MYOZ3: variants seen among roughly 807,000 people sequenced by gnomAD.
MYOZ3 encodes the protein myozenin 3.
A neutral mutation model predicts 26.5 loss-of-function variants in MYOZ3; 19 were observed. The ratio of observed to expected loss-of-function variants is 0.72; its 90% confidence interval spans 0.50 to 1.05. MYOZ3 has a LOEUF of 1.05. Ranked by LOEUF, MYOZ3 falls within the 50% of genes least tolerant of loss-of-function variation. The pLI, the probability that MYOZ3 is intolerant of heterozygous loss-of-function variation, is 0.00. For synonymous variants in MYOZ3, 135 were observed against 138.8 expected, an observed-to-expected ratio of 0.97 and a Z score of 0.19; for missense variants, 322 against 337.1, an observed-to-expected ratio of 0.96 and a Z score of 0.35.
chr5:150,669,390 C>T (rs10077907), intron 2 of MYOZ3, among the ~76,000 whole-genome samples: 21,341 of 150,270 alleles, frequency 0.14, 2,850 homozygotes, highest in African/African-American at 0.36. Flanking sequence ...GAGGTTGCAG[C>T]GAGCCGAGAT....
intron 1 of MYOZ3, among the ~76,000 whole-genome samples, 178 bp downstream of exon 1, chr5:150,661,605 C>T (rs1179187492): frequency 1.3e-5 from 2 of 152,110 alleles, no homozygotes; most frequent in Non-Finnish European, 2.9e-5. Flanking sequence ...TCTAGGTTAC[C>T]CTGCATTAAA....
In MYOZ3 at chr5:150,678,728, T is replaced by C. The variant is rs1178506036; in HGVS notation, c.*1853T>C. 1.3e-5 allele frequency: 2 copies of C among 152,384 alleles called. No individual in the cohort carries two copies. Among genetic ancestry groups the C allele is most frequent in the African/African-American group, 4.8e-5 (2 of 41,582 alleles). 9.4% of individuals were successfully genotyped at this position (152,384 alleles called of 1,614,324 possible). A position where few individuals can be genotyped will look rare whatever the true frequency, so the allele number is the denominator to read the frequency against. ...GTATAAAACCTCCTTTATGGGTTTG[T>C]TGTGAACACAGTGCAGGGCACATTT... On this transcript the variant is annotated 3_prime_UTR_variant, in exon 7 of 7. Coordinates refer to ENST00000517768, the MANE Select transcript of MYOZ3 (RefSeq NM_001122853.3).
chr5:150,670,558 AAC>A lies in MYOZ3; in HGVS notation c.138_139del (p.Asn46LysfsTer52), dbSNP rs1561670446. ...GATGGAGGAGCTGTCACTACGCAAC[AAC>A]AGAGGGTCCCTCCTCTTCCAGAAGA... is the stretch of plus-strand genomic sequence containing the variant. ...LMMEELSLRN[N>X]RGSLLFQKRQ... On this transcript the variant is annotated frameshift_variant, in exon 3 of 7. Transcript: ENST00000517768. LOFTEE classifies it high-confidence loss of function. 1 of 1,613,404 alleles carries A rather than the reference AAC, an allele frequency of 6.2e-7. No homozygotes were observed. Among genetic ancestry groups the A allele is most frequent in the Non-Finnish European group, 8.5e-7 (1 of 1,179,728 alleles).
rs1374017445 is a variant in MYOZ3, at chr5:150,679,027, TG to T, written c.*2155del. 6.6e-6 allele frequency: 1 copy of T among 152,542 alleles called. No individual in the cohort carries two copies. The highest frequency in any genetic ancestry group is 1.9e-4 in the East Asian group (1 of 5,328). The allele number at this position is 152,542 out of a possible 1,614,324, so 9.4% of individuals were successfully genotyped here. On this transcript the variant is annotated 3_prime_UTR_variant, in exon 7 of 7. Coordinates refer to ENST00000517768, the MANE Select transcript of MYOZ3 (RefSeq NM_001122853.3). ...TTGCTCTGGAGTTTCACTCCCCTTC[TG>T]GGTCCCAAGGGCCCAATGGCCTGAC...
intron 1 of MYOZ3, among the ~76,000 whole-genome samples, chr5:150,662,388 C>T (rs751816302): frequency 4.6e-5 from 7 of 152,096 alleles, no homozygotes; most frequent in Non-Finnish European, 7.4e-5. Context: ...ATGGGGAGGA[C>T]GGGGGATGGT....
chr5:150,673,865 T>C (rs951472326), intron 6 of MYOZ3, among the ~76,000 whole-genome samples: 3 of 152,112 alleles, frequency 2.0e-5, no homozygotes, highest in Admixed American at 6.5e-5. Context: ...CTGCATTTAG[T>C]GAGGAAAAGG....
At chr5:150,668,859 G>A (rs1335272754) in intron 2 of MYOZ3, among the ~76,000 whole-genome samples, 1 of 152,164 alleles carries the variant, frequency 6.6e-6, no homozygotes, top group East Asian at 1.9e-4. Flanking sequence ...CCAACTATGA[G>A]AAAAGAAATA....
chr5:150,677,284 G>T lies in MYOZ3; in HGVS notation c.*409G>T, dbSNP rs111415534. On this transcript the variant is annotated 3_prime_UTR_variant, in exon 7 of 7. Transcript: ENST00000517768. The stretch of plus-strand genomic sequence containing the variant: ...CCGTCGCTACTAAAAATACAAAAAT[G>T]AGTCGGACATGGTGGTGCATGCCTG... The T allele has an allele frequency of 0.086, 13,452 of 156,884 alleles. 1,841 individuals carry two copies. The highest frequency in any genetic ancestry group is 0.29 in the African/African-American group (12,084 of 41,568). 9.7% of individuals were successfully genotyped at this position (156,884 alleles called of 1,614,324 possible). A position where few individuals can be genotyped will look rare whatever the true frequency, so the allele number is the denominator to read the frequency against.
At chr5:150,669,824 T>C (rs184255350) in intron 2 of MYOZ3, 1 of 152,084 alleles carries the variant, frequency 6.6e-6, no homozygotes, top group African/African-American at 2.4e-5. Context: ...TTTTTCTACT[T>C]TTAGTAGAGA....
intron 6 of MYOZ3, chr5:150,673,105 C>T (rs1758949778): frequency 6.6e-6 from 1 of 152,538 alleles, no homozygotes. Context: ...GCGCAGTGGC[C>T]TATATGGGTT....
intron 1 of MYOZ3, among the ~76,000 whole-genome samples, chr5:150,662,286 T>G (rs1405022150): frequency 6.6e-6 from 1 of 151,964 alleles, no homozygotes; most frequent in Non-Finnish European, 1.5e-5. Flanking sequence ...TCTTTGAAAG[T>G]GCCATGAGAT....
At chr5:150,670,806 C>T in intron 3 of MYOZ3, 168 bp downstream of exon 3, 1 of 568,050 alleles carries the variant, frequency 1.8e-6, no homozygotes, top group Non-Finnish European at 2.8e-6. Flanking sequence ...AGGCATCTCT[C>T]CCTGGATACA....
rs1431240834 is a variant in MYOZ3, at chr5:150,666,628, AAAAT to A, written c.61+3628_61+3631del. Among the ~76,000 whole-genome samples, 383 of 133,068 alleles carry A rather than the reference AAAAT, an allele frequency of 2.9e-3. 5 individuals carry two copies. In the East Asian group the frequency reaches 0.034, roughly 12 times the overall value. The allele number at this position is 133,068 out of a possible 152,430, so 87.3% of individuals were successfully genotyped here. ...GACTCTGTCTCAAAAAAAAAAAAAAAAAATATATATATATATATATACACACACA... is the reference window on the plus strand; with the variant it reads ...GACTCTGTCTCAAAAAAAAAAAAAAAATATATATATATATATACACACACA... On this transcript the variant is annotated intron_variant, in intron 2 of 6. Coordinates refer to ENST00000517768, the MANE Select transcript of MYOZ3 (RefSeq NM_001122853.3).
intron 2 of MYOZ3, among the ~76,000 whole-genome samples, chr5:150,665,773 C>CCTGTAATCCCA (rs1466475203): frequency 1.3e-5 from 2 of 151,478 alleles, no homozygotes; most frequent in Non-Finnish European, 2.9e-5. Flanking sequence ...AGGTGGCTCA[C>CCTGTAATCCCA]GCCTGTAATC....
intron 6 of MYOZ3, among the ~76,000 whole-genome samples, chr5:150,674,568 G>T (rs1378707003): frequency 6.6e-6 from 1 of 152,222 alleles, no homozygotes; most frequent in Non-Finnish European, 1.5e-5. Context: ...AACTGGGGTG[G>T]TCCAGGCAGA....
At chr5:150,665,962 G>T (rs1198831860) in intron 2 of MYOZ3, among the ~76,000 whole-genome samples, 1 of 151,346 alleles carries the variant, frequency 6.6e-6, no homozygotes, top group African/African-American at 2.4e-5. Flanking sequence ...TTGAACCCGG[G>T]AGGCAGAGGT....
chr5:150,671,530 G>A, intron 3 of MYOZ3, 67 bp from the exon 4 acceptor site: 1 of 1,548,548 alleles, frequency 6.5e-7, no homozygotes, highest in Non-Finnish European at 8.8e-7. Context: ...TTTTTTGGTG[G>A]AGGGAGAACC....
At position 150,676,692 on chromosome 5, in the gene MYOZ3, GCTCT is replaced by G. The variant is rs372292757; in HGVS notation, c.588-12_588-9del. 9.4e-5 allele frequency: 151 copies of G among 1,611,822 alleles called. 1 individual carries two copies. The highest frequency in any genetic ancestry group is 2.4e-4 in the South Asian group (22 of 90,870). ...TTCCACACAGCCCACCTCTCCTGCT[GCTCT>G]CTTTCTCCAGGACCCCGGTGCCATT... On this transcript the variant is annotated splice_polypyrimidine_tract_variant and intron_variant, in intron 6 of 6. Coordinates refer to ENST00000517768, the MANE Select transcript of MYOZ3 (RefSeq NM_001122853.3).
At chr5:150,664,269 C>A (rs1300143058) in intron 2 of MYOZ3, among the ~76,000 whole-genome samples, 2 of 152,124 alleles carry the variant, frequency 1.3e-5, no homozygotes, top group East Asian at 3.9e-4. Context: ...TCTTCCCCTA[C>A]CCTGATTTTG....
Sources: allele counts gnomAD v4.1 joint callset (sites outside exome capture counted in the v4.1 genomes callset), GRCh38; gene constraint gnomAD v4.1.1; transcripts MANE v1.5; gene names NCBI Gene and HGNC (gene_info 2026-07-23, HGNC 2026-07-21).